CPNE8: variants seen among roughly 807,000 people sequenced by gnomAD.
CPNE8 encodes copine 8, also known as copine-8.
CPNE8 carries 45 observed loss-of-function variants against 81.5 expected under a neutral mutation model. That is an observed-to-expected ratio of 0.55 (90% confidence interval 0.44 to 0.71). The LOEUF (loss-of-function observed/expected upper bound fraction) is 0.71. Among genes scored for constraint, CPNE8 ranks in the 30% least tolerant of loss-of-function variants. The probability of loss-of-function intolerance (pLI) is 0.00; values close to 1 mark genes in which losing one functional copy is unlikely to be tolerated. For synonymous variants in CPNE8, 252 were observed against 226.3 expected, an observed-to-expected ratio of 1.11 and a Z score of -1.02; for missense variants, 594 against 672.1, an observed-to-expected ratio of 0.88 and a Z score of 1.28.
intron 1 of CPNE8, among the ~76,000 whole-genome samples, chr12:38,891,201 G>A (rs746625211): frequency 3.3e-5 from 5 of 151,972 alleles, no homozygotes; most frequent in Non-Finnish European, 5.9e-5. Flanking sequence ...AAAGTGCTGC[G>A]ATTATAGGCA....
At chr12:38,817,858 C>T (rs1186639056) in intron 6 of CPNE8, among the ~76,000 whole-genome samples, 4 of 151,988 alleles carry the variant, frequency 2.6e-5, no homozygotes, top group Non-Finnish European at 4.4e-5. Context: ...CTCCTGACCT[C>T]GTGATCCTCC....
chr12:38,822,763 A>G (rs1943126816), intron 6 of CPNE8, among the ~76,000 whole-genome samples: 1 of 151,606 alleles, frequency 6.6e-6, no homozygotes, highest in African/African-American at 2.4e-5. Flanking sequence ...TGACCCATAG[A>G]CATAAAAAAA....
intron 15 of CPNE8, among the ~76,000 whole-genome samples, chr12:38,687,370 C>CTTTTTTTTTT (rs35643732): frequency 1.0e-5 from 1 of 95,494 alleles, no homozygotes. Flanking sequence ...AATGCCAAGA[C>CTTTTTTTTTT]TTTCTTTTTT....
At chr12:38,869,354 T>C (rs949319970) in intron 3 of CPNE8, among the ~76,000 whole-genome samples, 15 of 152,220 alleles carry the variant, frequency 9.9e-5, no homozygotes, top group African/African-American at 3.6e-4. Flanking sequence ...ATGTGCCAGA[T>C]ACTGTTACAA....
chr12:38,751,767 C>A (rs1181526952), intron 10 of CPNE8, among the ~76,000 whole-genome samples: 1 of 152,206 alleles, frequency 6.6e-6, no homozygotes, highest in East Asian at 1.9e-4. Context: ...ATGTATGAAA[C>A]CTCAGGTCCA....
chr12:38,898,522 C>T (rs1477779693), intron 1 of CPNE8, among the ~76,000 whole-genome samples: 5 of 152,192 alleles, frequency 3.3e-5, no homozygotes, highest in Admixed American at 6.5e-5. Flanking sequence ...ACTTTACCCT[C>T]TGTTTACCTG....
intron 10 of CPNE8, among the ~76,000 whole-genome samples, chr12:38,742,636 A>T (rs565767521): frequency 1.3e-5 from 2 of 151,718 alleles, no homozygotes; most frequent in African/African-American, 4.8e-5. Context: ...TATATAACAA[A>T]CCTGCACATT....
At chr12:38,709,547 T>C (rs1417372534) in intron 13 of CPNE8, among the ~76,000 whole-genome samples, 1 of 152,182 alleles carries the variant, frequency 6.6e-6, no homozygotes, top group Non-Finnish European at 1.5e-5. Flanking sequence ...TTATAAAACC[T>C]TCCCTGATTG....
chr12:38,733,905 G>A (rs1719854), intron 10 of CPNE8, among the ~76,000 whole-genome samples: 83,872 of 151,728 alleles, frequency 0.55, 23,739 homozygotes, highest in East Asian at 0.81. Context: ...CTGTAGGACA[G>A]TTTACAAACT....
At chr12:38,824,707 G>A (rs1943162257) in intron 6 of CPNE8, among the ~76,000 whole-genome samples, 1 of 152,098 alleles carries the variant, frequency 6.6e-6, no homozygotes, top group Admixed American at 6.6e-5. Flanking sequence ...AATAACATTT[G>A]GGACACAAGA....
chr12:38,680,644 G>A (rs191707536), intron 16 of CPNE8, among the ~76,000 whole-genome samples: 1 of 152,068 alleles, frequency 6.6e-6, no homozygotes, highest in East Asian at 1.9e-4. Context: ...CAGCAAAATG[G>A]AAATGACACT....
chr12:38,823,836 C>T (rs1175752497), intron 6 of CPNE8, among the ~76,000 whole-genome samples: 7 of 152,140 alleles, frequency 4.6e-5, no homozygotes, highest in African/African-American at 1.4e-4. Context: ...AGAAGACATA[C>T]GACTCTTTGA....
At chr12:38,832,229 G>A (rs1430684672) in intron 5 of CPNE8, among the ~76,000 whole-genome samples, 1 of 152,178 alleles carries the variant, frequency 6.6e-6, no homozygotes, top group Admixed American at 6.5e-5. Context: ...AGGTAATGAG[G>A]ACGATTTCAT....
intron 15 of CPNE8, among the ~76,000 whole-genome samples, chr12:38,689,864 A>G (rs886064807): frequency 2.0e-5 from 3 of 152,236 alleles, no homozygotes; most frequent in Non-Finnish European, 4.4e-5. Flanking sequence ...GGAGTCATCA[A>G]GAATGATAAT....
chr12:38,867,720 G>C (rs1322578671), intron 3 of CPNE8, among the ~76,000 whole-genome samples: 1 of 152,188 alleles, frequency 6.6e-6, no homozygotes, highest in African/African-American at 2.4e-5. Context: ...GCCATTCTTA[G>C]AGATGTTACT....
At chr12:38,717,429 G>GTGTATATATGTATATATATATATATATA (rs770984926) in intron 13 of CPNE8, among the ~76,000 whole-genome samples, 1 of 87,052 alleles carries the variant, frequency 1.1e-5, no homozygotes, top group African/African-American at 4.6e-5. Flanking sequence ...AAAGTGTGGT[G>GTGTATATATGTATATATATATATATATA]TATATATATA....
At chr12:38,787,197 T>C (rs1384560444) in intron 6 of CPNE8, among the ~76,000 whole-genome samples, 1 of 152,106 alleles carries the variant, frequency 6.6e-6, no homozygotes, top group African/African-American at 2.4e-5. Flanking sequence ...GGATGGACCA[T>C]ATTTTATGTC....
intron 1 of CPNE8, among the ~76,000 whole-genome samples, chr12:38,876,967 A>G (rs535043123): frequency 4.4e-4 from 67 of 152,354 alleles, no homozygotes; most frequent in African/African-American, 1.4e-3. Flanking sequence ...GTAAAATAAG[A>G]TAGGTATTAT....
intron 18 of CPNE8, 26 bp downstream of exon 18, chr12:38,675,691 A>G: frequency 7.1e-7 from 1 of 1,405,018 alleles, no homozygotes; most frequent in Non-Finnish European, 1.0e-6. Flanking sequence ...ACTCCCAAGG[A>G]ATATTATTGA....
Sources: gnomAD v4.1 joint callset for allele counts (sites outside exome capture counted in the v4.1 genomes callset) on GRCh38, gnomAD v4.1.1 for gene constraint, MANE v1.5 for transcripts, NCBI Gene and HGNC (gene_info 2026-07-23, HGNC 2026-07-21) for gene names.